CLIP1: variants seen among roughly 807,000 people sequenced by gnomAD.
The protein encoded by CLIP1 is CAP-Gly domain containing linker protein 1.
Under a neutral mutation model 161.6 loss-of-function variants are expected in CLIP1, and 66 were observed. The ratio of observed to expected loss-of-function variants is 0.41; its 90% CI spans 0.33 to 0.50. The LOEUF (loss-of-function observed/expected upper bound fraction) is 0.50. Ranked by LOEUF, CLIP1 falls within the 20% of genes least tolerant of loss-of-function variation. CLIP1 has a pLI of 0.27. For missense variants in CLIP1, 1,376 were observed against 1,702.0 expected, an observed-to-expected ratio of 0.81 and a Z score of 3.37; for synonymous variants, 598 against 626.2, an observed-to-expected ratio of 0.96 and a Z score of 0.67.
intron 15 of CLIP1, among the ~76,000 whole-genome samples, chr12:122,332,393 A>G (rs1952019714): frequency 6.6e-6 from 1 of 151,426 alleles, no homozygotes; most frequent in Non-Finnish European, 1.5e-5. Flanking sequence ...AAAATATATT[A>G]TTGTCATTGG....
chr12:122,337,004 T>C (rs1952259790), intron 11 of CLIP1, among the ~76,000 whole-genome samples: 1 of 149,540 alleles, frequency 6.7e-6, no homozygotes, highest in Non-Finnish European at 1.5e-5. Context: ...GGGTCTCCCC[T>C]GTCACCCAGG....
Position 122,380,560 on chromosome 12 carries a change from T to TCCTCGGACGCCGCCGGTCGCC in CLIP1, c.-106-3_-106-2insGGCGACCGGCGGCGTCCGAGG. The TCCTCGGACGCCGCCGGTCGCC allele has an allele frequency of 5.1e-6, 3 of 588,644 alleles. No homozygotes were observed. The allele number at this position is 588,644 out of a possible 1,614,324, so 36.5% of individuals were successfully genotyped here. A position where few individuals can be genotyped will look rare whatever the true frequency, so the allele number is the denominator to read the frequency against. On this transcript the variant is annotated splice_region_variant and splice_polypyrimidine_tract_variant and intron_variant, in intron 1 of 25. Transcript: ENST00000620786. ...GTGAAGTCAGTCTCTGGATTAAATC[T>TCCTCGGACGCCGCCGGTCGCC]GCAAAGAGAAAGAAATAAAAAGATT...
intron 1 of CLIP1, among the ~76,000 whole-genome samples, chr12:122,387,590 ATTTT>A (rs139790813): frequency 1.6e-4 from 1 of 6,272 alleles, no homozygotes; most frequent in African/African-American, 3.4e-4. Flanking sequence ...ATATATATAT[ATTTT>A]TTTTTTTTTT....
chr12:122,273,108 T>C lies in CLIP1; in HGVS notation c.4092-8A>G, dbSNP rs1403990794. On this transcript the variant is annotated splice_polypyrimidine_tract_variant and splice_region_variant and intron_variant, in intron 25 of 25. Transcript: ENST00000620786. ...TGTTTCTCCTGATCATCACTACAAATGTTAATGTGTGAAATCAGAAAATTT... is the reference window on the plus strand; with the variant it reads ...TGTTTCTCCTGATCATCACTACAAACGTTAATGTGTGAAATCAGAAAATTT... The C allele has an allele frequency of 6.2e-7, 1 of 1,606,044 alleles. No individual in the cohort carries two copies. Among genetic ancestry groups the C allele is most frequent in the Admixed American group, 1.7e-5 (1 of 59,464 alleles).
intron 20 of CLIP1, among the ~76,000 whole-genome samples, chr12:122,299,666 C>T (rs890950237): frequency 7.1e-6 from 1 of 141,290 alleles, no homozygotes; most frequent in South Asian, 2.3e-4. Flanking sequence ...CCTGCAATCC[C>T]AGCACTTTGG....
rs1246345533 is a variant in CLIP1, at chr12:122,355,322, A to C, written c.1006-10T>G. The C allele has an allele frequency of 6.2e-7, 1 of 1,610,234 alleles. No individual in the cohort carries two copies. Among genetic ancestry groups the C allele is most frequent in the South Asian group, 1.1e-5 (1 of 90,908 alleles). ...AGGAGGTTTCAGTCAACTGTAAAGG[A>C]AAGTTAGAGAAATGAAGGGCGATGA... On this transcript the variant is annotated splice_polypyrimidine_tract_variant and intron_variant, in intron 5 of 25. Transcript: ENST00000620786. This position sits in a 1 kb window ranked among gnomAD's most constrained non-coding sequence, Gnocchi z 4.1.
At chr12:122,335,689 C>T (rs1388836286) in intron 12 of CLIP1, among the ~76,000 whole-genome samples, 1 of 151,974 alleles carries the variant, frequency 6.6e-6, no homozygotes, top group African/African-American at 2.4e-5. Flanking sequence ...CGCCTGTAAT[C>T]CCAGCTACTC....
intron 9 of CLIP1, among the ~76,000 whole-genome samples, chr12:122,349,843 G>C (rs918485215): frequency 6.6e-6 from 1 of 152,264 alleles, no homozygotes; most frequent in Admixed American, 6.5e-5. Context: ...TTCACAAAAA[G>C]GAACCCTTCA....
chr12:122,300,839 C>A (rs1444126298), intron 20 of CLIP1, among the ~76,000 whole-genome samples: 1 of 152,036 alleles, frequency 6.6e-6, no homozygotes, highest in Non-Finnish European at 1.5e-5. Context: ...TTTTACCTTG[C>A]AAATGTTTTA....
At chr12:122,385,230 C>T (rs897753311) in intron 1 of CLIP1, among the ~76,000 whole-genome samples, 10 of 152,096 alleles carry the variant, frequency 6.6e-5, no homozygotes, top group Admixed American at 2.0e-4. Context: ...CGCACACGGC[C>T]GATGGTAATT....
At chr12:122,404,200 A>T (rs1165085940) in intron 1 of CLIP1, among the ~76,000 whole-genome samples, 1 of 152,216 alleles carries the variant, frequency 6.6e-6, no homozygotes, top group Non-Finnish European at 1.5e-5. Context: ...AGAAGGGCCA[A>T]TGTATCAAAT....
intron 11 of CLIP1, among the ~76,000 whole-genome samples, chr12:122,338,960 T>TCACCC (rs1952368741): frequency 6.6e-6 from 1 of 152,172 alleles, no homozygotes. Context: ...AGTCCTCACC[T>TCACCC]CACCCCATTT....
intron 14 of CLIP1, 78 bp from the exon 15 acceptor site, chr12:122,333,221 T>C: frequency 9.3e-7 from 1 of 1,080,442 alleles, no homozygotes. Context: ...CTTGCTCTGG[T>C]AATATTTTCA....
chr12:122,417,292 G>T (rs1366992997), intron 1 of CLIP1, among the ~76,000 whole-genome samples: 5 of 151,296 alleles, frequency 3.3e-5, no homozygotes, highest in African/African-American at 1.2e-4. Context: ...ACAAGATTTT[G>T]TCTTAAAAAC....
intron 1 of CLIP1, among the ~76,000 whole-genome samples, chr12:122,420,767 C>G (rs116694177): frequency 0.023 from 3,430 of 152,018 alleles, 106 homozygotes; most frequent in African/African-American, 0.075. Context: ...GAAACCCCAT[C>G]TCTACCACAG....
At chr12:122,387,569 T>TC (rs1955353653) in intron 1 of CLIP1, among the ~76,000 whole-genome samples, 1 of 7,800 alleles carries the variant, frequency 1.3e-4, no homozygotes, top group Non-Finnish European at 3.3e-4. Flanking sequence ...TATATATATA[T>TC]ATATATATAT....
chr12:122,336,519 G>A, intron 12 of CLIP1, 113 bp downstream of exon 12: 1 of 650,154 alleles, frequency 1.5e-6, no homozygotes, highest in East Asian at 2.6e-5. Context: ...CACTCAAGTT[G>A]AATCAACACT....
chr12:122,398,120 A>G (rs1955995371), intron 1 of CLIP1, among the ~76,000 whole-genome samples: 1 of 151,970 alleles, frequency 6.6e-6, no homozygotes, highest in Non-Finnish European at 1.5e-5. Context: ...TCCTCAAATA[A>G]ATTAATTTTA....
chr12:122,362,627 A>AG (rs1953908926), intron 4 of CLIP1, among the ~76,000 whole-genome samples: 1 of 127,228 alleles, frequency 7.9e-6, no homozygotes. Context: ...GCAACAGAGC[A>AG]AGACTCCATC....
Sources: gnomAD v4.1 joint callset for allele counts (sites outside exome capture counted in the v4.1 genomes callset) on GRCh38, gnomAD v4.1.1 for gene constraint, Gnocchi (gnomAD v3.1) non-coding constraint, MANE v1.5 for transcripts, NCBI Gene and HGNC (gene_info 2026-07-23, HGNC 2026-07-21) for gene names.